DCTN1: variants seen among roughly 807,000 people sequenced by gnomAD.
The protein encoded by DCTN1 is 150 kDa dynein-associated polypeptide.
DCTN1 carries 61 observed loss-of-function variants against 161.2 expected under a neutral mutation model. That is an observed-to-expected ratio of 0.38 (90% CI 0.31 to 0.47). The LOEUF (loss-of-function observed/expected upper bound fraction) is 0.47, where lower values mean the gene tolerates loss of function less well. Ranked by LOEUF, DCTN1 falls within the 20% of genes least tolerant of loss-of-function variation. The pLI, the probability that DCTN1 is intolerant of heterozygous loss-of-function variation, is 0.99. For synonymous variants in DCTN1, 653 were observed against 632.4 expected (o/e 1.03, Z -0.49); for missense variants, 1,404 against 1,623.7 (o/e 0.86, Z 2.33).
intron 1 of DCTN1, chr2:74,385,748 A>G (rs1370774516): frequency 6.6e-6 from 1 of 152,228 alleles, no homozygotes; most frequent in East Asian, 1.9e-4. Context: ...GCAGCAGGAA[A>G]AGGTAAGTCC....
chr2:74,363,878 AAG>A, intron 26 of DCTN1: 1 of 596,938 alleles, frequency 1.7e-6, no homozygotes, highest in East Asian at 2.9e-5. Flanking sequence ...AACAGTGGCA[AAG>A]AGAGTGTGCA....
intron 1 of DCTN1, among the ~76,000 whole-genome samples, chr2:74,388,199 A>C (rs898846652): frequency 1.3e-5 from 2 of 151,502 alleles, no homozygotes; most frequent in Non-Finnish European, 2.9e-5. Flanking sequence ...TGTATCTCAA[A>C]AACAAAACAA....
chr2:74,367,324 G>A lies in DCTN1; in HGVS notation c.2253+28C>T, dbSNP rs752431058. ...GCCCTCCATTTCTGATCTCCACGGG[G>A]GCTCAATCACTGGCCCAGATACTTC... is the stretch of plus-strand genomic sequence containing the variant. On this transcript the variant is annotated intron_variant, in intron 19 of 31. Transcript: ENST00000628224. The A allele has an allele frequency of 3.1e-6, 5 of 1,613,268 alleles. No homozygotes were observed. In the South Asian group the frequency reaches 3.3e-5, roughly 11 times the overall value.
chr2:74,381,397 C>T (rs115584670), upstream of DCTN1, among the ~76,000 whole-genome samples: 259 of 152,318 alleles, frequency 1.7e-3, no homozygotes, highest in African/African-American at 5.6e-3. Flanking sequence ...TTAAGATAGG[C>T]CAGGTAGCCC....
Position 74,365,932 on chromosome 2 carries a change from C to T in DCTN1, c.2847G>A (p.Glu949=). 1 of 1,614,234 alleles carries T rather than the reference C, an allele frequency of 6.2e-7. No homozygotes were observed. Among genetic ancestry groups the T allele is most frequent in the South Asian group, 1.1e-5 (1 of 91,082 alleles). Residue 949 remains glutamate, a synonymous_variant, in exon 24 of 32, where the codon GAG becomes GAA. Coordinates refer to ENST00000628224, the MANE Select transcript of DCTN1 (RefSeq NM_004082.5). ...ACTTCTTCAACTCCTTAATAACTGT[C>T]TCTCGATCTTCGAGCTTCAAACCCA... ...EGLGLKLEDR[E]TVIKELKKSL... is the part of the protein sequence containing the mutation.
In DCTN1 at chr2:74,361,788, A is replaced by C. The variant is rs545677445; in HGVS notation, c.3700-152T>G. Reference sequence around the variant, plus strand: ...CTATTGTGACCACATTTTTCAAATAAGAATGGGGATACATAATCTGACAAG... The same window carrying C: ...CTATTGTGACCACATTTTTCAAATACGAATGGGGATACATAATCTGACAAG... On this transcript the variant is annotated intron_variant, in intron 31 of 31. Transcript: ENST00000628224. The C allele has an allele frequency of 7.5e-5, 77 of 1,028,790 alleles. No individual in the cohort carries two copies. The South Asian group carries it at 1.1e-3, about 14-fold the overall frequency. The allele number at this position is 1,028,790 out of a possible 1,614,324, so 63.7% of individuals were successfully genotyped here.
upstream of DCTN1, among the ~76,000 whole-genome samples, chr2:74,381,219 A>C (rs1341155896): frequency 6.6e-6 from 1 of 152,200 alleles, no homozygotes. Context: ...AGAAACCAAA[A>C]GACCAGGGTC....
At chr2:74,377,496 T>C (rs377320515) in intron 3 of DCTN1, 30 bp from the exon 4 acceptor site, 6 of 1,603,476 alleles carry the variant, frequency 3.7e-6, no homozygotes, top group Non-Finnish European at 5.1e-6. Context: ...ACAAAGTGTG[T>C]ACTTGTATAG....
At chr2:74,371,355 G>T in intron 8 of DCTN1, 179 bp from the exon 9 acceptor site, 1 of 1,388,270 alleles carries the variant, frequency 7.2e-7, no homozygotes, top group Non-Finnish European at 9.9e-7. Context: ...GGGAAAGTAT[G>T]GCATAAGGGC....
rs147403391 is a variant in DCTN1 at position 74,389,441 on chromosome 2, C to T, written c.-19+2353G>A. Among the ~76,000 whole-genome samples, 376 of 152,206 alleles carry T rather than the reference C, an allele frequency of 2.5e-3. 2 individuals are homozygous for T. Among genetic ancestry groups the T allele is most frequent in the African/African-American group, 8.6e-3 (358 of 41,534 alleles). ...AGCAACCTGGGAATCATCTATAATCCCTTTCAACCTATAACTCCAAGCAGC... is the reference window on the plus strand; with the variant it reads ...AGCAACCTGGGAATCATCTATAATCTCTTTCAACCTATAACTCCAAGCAGC... On this transcript the variant is annotated intron_variant, in intron 1 of 27. Transcript: ENST00000409240.
intron 18 of DCTN1, 103 bp downstream of exon 18, chr2:74,367,593 A>G: frequency 1.3e-6 from 2 of 1,573,104 alleles, no homozygotes; most frequent in South Asian, 1.1e-5. Flanking sequence ...CCAGGCCTCA[A>G]GCAGCAAGCA....
chr2:74,366,759 C>T (rs1262925421), intron 21 of DCTN1, 24 bp downstream of exon 21: 1 of 1,614,250 alleles, frequency 6.2e-7, no homozygotes, highest in Admixed American at 1.7e-5. Context: ...AGTTTCCTTC[C>T]CTTCCCCAGT....
intron 15 of DCTN1, 40 bp from the exon 16 acceptor site, chr2:74,368,920 G>C (rs879503749): frequency 6.2e-7 from 1 of 1,612,074 alleles, no homozygotes; most frequent in Non-Finnish European, 8.5e-7. Context: ...AGCCAGAGCT[G>C]AAAGAGCCCC....
At position 74,371,153 on chromosome 2, in the gene DCTN1, C is replaced by G. The variant is rs1674810613; in HGVS notation, c.669G>C (p.Gln223His). 6.2e-7 allele frequency: 1 copy of G among 1,613,856 alleles called. No homozygotes were observed. The highest frequency in any genetic ancestry group is 1.1e-5 in the South Asian group (1 of 91,096). Reference sequence around the variant, plus strand: ...CTAGTTTCTCCTCCAGGTCCCGCACCTGAGCCCTTAGTCCCTCCTCCTCCT... The same window carrying G: ...CTAGTTTCTCCTCCAGGTCCCGCACGTGAGCCCTTAGTCCCTCCTCCTCCT... ...PSKEEEGLRA[Q>H]VRDLEEKLET... is the part of the protein sequence containing the mutation. The change falls in exon 9 of 32, where the codon CAG (glutamine) becomes CAC (histidine). Residue 223 changes from glutamine to histidine, a missense_variant. Physicochemically the swap from Gln to His is conservative, Grantham distance 24. Coordinates refer to ENST00000628224, the MANE Select transcript of DCTN1 (RefSeq NM_004082.5).
chr2:74,382,594 C>CAAAAAAACAA (rs1675558616), upstream of DCTN1, among the ~76,000 whole-genome samples: 1 of 66,970 alleles, frequency 1.5e-5, no homozygotes. Context: ...GACTGAGACT[C>CAAAAAAACAA]AAAAAAAAAA....
intron 6 of DCTN1, 194 bp downstream of exon 6, chr2:74,374,129 G>A (rs1322168304): frequency 7.6e-6 from 5 of 660,498 alleles, no homozygotes; most frequent in African/African-American, 7.2e-5. Context: ...CCAAAAGCAG[G>A]CAAGGCAGTA....
intron 7 of DCTN1, chr2:74,372,023 A>G: frequency 2.4e-6 from 1 of 409,890 alleles, no homozygotes; most frequent in South Asian, 2.3e-5. Flanking sequence ...CACTGACTCC[A>G]CATTCCTCCT....
rs1364452786 is a variant in DCTN1 at position 74,370,101 on chromosome 2, G to A, written c.1288-32C>T. On this transcript the variant is annotated intron_variant, in intron 12 of 31. Transcript: ENST00000628224. The surrounding 1 kb of genome is among the most constrained non-coding windows in gnomAD (Gnocchi z 4.4). ...TACGGGGAGGATAGGGAGAAGGGCT[G>A]CTGGAAGGTACCTAGAAAGAGGAGG... 4 of 1,613,992 alleles carry A rather than the reference G, an allele frequency of 2.5e-6. No individual in the cohort carries two copies. The highest frequency in any genetic ancestry group is 3.3e-5 in the Admixed American group (2 of 60,010).
exon 1 of DCTN1, chr2:74,391,836 C>CGACCGACGCCCAAGACCCTGCGGGGCCG: frequency 2.2e-6 from 1 of 453,832 alleles, no homozygotes; most frequent in African/African-American, 2.0e-5. Flanking sequence ...ACCCCACCGA[C>CGACCGACGCCCAAGACCCTGCGGGGCCG]GACCGACGCC....
Sources: gnomAD v4.1 joint callset for allele counts (sites outside exome capture counted in the v4.1 genomes callset) on GRCh38, gnomAD v4.1.1 for gene constraint, Gnocchi (gnomAD v3.1) non-coding constraint, MANE v1.5 for transcripts, NCBI Gene and HGNC (gene_info 2026-07-23, HGNC 2026-07-21) for gene names.